Variants in ADARB2 observed in about 807,000 individuals in gnomAD.
The protein encoded by ADARB2 is inactive double-stranded RNA-specific editase B2.
ADARB2 carries 25 observed loss-of-function variants against 62.2 expected under a neutral mutation model. That is an observed-to-expected ratio of 0.40 (90% CI 0.29 to 0.56). ADARB2 has a LOEUF of 0.56. Among genes scored for constraint, ADARB2 ranks in the 20% least tolerant of loss-of-function variants. The pLI is 0.43. For synonymous variants in ADARB2, 572 were observed against 500.8 expected (o/e 1.14, Z -1.90); for missense variants, 1,071 against 1,077.4 (o/e 0.99, Z 0.08).
rs1227597689 is a variant in ADARB2, at chr10:1,521,431, T to G, written c.101-142271A>C. Among the ~76,000 whole-genome samples the G allele has an allele frequency of 3.9e-5, 6 of 152,204 alleles. No individual in the cohort carries two copies. In the East Asian group the frequency reaches 1.2e-3, roughly 29 times the overall value. On this transcript the variant is annotated intron_variant, in intron 1 of 9. Transcript: ENST00000381312. ...CCAAAAATAACATTCTAAGGCCCCC[T>G]AAGCTTCTGAATGCACTTCCTCCCC...
intron 3 of ADARB2, among the ~76,000 whole-genome samples, chr10:1,324,980 T>C (rs577579425): frequency 1.3e-5 from 2 of 152,200 alleles, no homozygotes; most frequent in Non-Finnish European, 2.9e-5. Flanking sequence ...TGGGCACAGG[T>C]ACATGGGCTC....
chr10:1,510,182 CTTTT>C (rs1280623929), intron 1 of ADARB2, among the ~76,000 whole-genome samples: 1 of 103,322 alleles, frequency 9.7e-6, no homozygotes, highest in South Asian at 2.9e-4. Flanking sequence ...TTCTTTCTTT[CTTTT>C]TCTTTCTTTC....
chr10:1,713,462 G>A (rs573101281), intron 1 of ADARB2, among the ~76,000 whole-genome samples: 1 of 152,314 alleles, frequency 6.6e-6, no homozygotes, highest in Non-Finnish European at 1.5e-5. Context: ...AAGGAGCCCA[G>A]TGCACTCTTG....
chr10:1,199,658 C>A (rs957485417), intron 8 of ADARB2: 15 of 305,878 alleles, frequency 4.9e-5, no homozygotes, highest in Non-Finnish European at 7.7e-5. Flanking sequence ...GCCAGGTGGG[C>A]AGGTGGGGCC....
chr10:1,390,322 A>G (rs1388615669), intron 1 of ADARB2, among the ~76,000 whole-genome samples: 1 of 152,202 alleles, frequency 6.6e-6, no homozygotes, highest in East Asian at 1.9e-4. Flanking sequence ...TGTGGGGAAG[A>G]GGCGGAAGTG....
At chr10:1,638,701 G>GT (rs1191669633) in intron 1 of ADARB2, among the ~76,000 whole-genome samples, 28 of 151,984 alleles carry the variant, frequency 1.8e-4, no homozygotes, top group South Asian at 1.2e-3. Context: ...AGGATTAAGT[G>GT]TTTTTTTTGT....
intron 1 of ADARB2, among the ~76,000 whole-genome samples, chr10:1,389,787 T>TAAA (rs1832554490): frequency 1.8e-5 from 2 of 112,844 alleles, no homozygotes; most frequent in East Asian, 3.0e-4. Flanking sequence ...AAATAAATAA[T>TAAA]AAATAAAAAA....
intron 1 of ADARB2, among the ~76,000 whole-genome samples, chr10:1,484,941 T>C (rs904675422): frequency 5.3e-5 from 8 of 152,174 alleles, no homozygotes; most frequent in African/African-American, 1.9e-4. Flanking sequence ...CAGGTAGGTA[T>C]GGAAATGGGT....
At chr10:1,245,769 G>T in intron 4 of ADARB2, among the ~76,000 whole-genome samples, 1 of 152,016 alleles carries the variant, frequency 6.6e-6, no homozygotes. Context: ...CCAAGTCTTT[G>T]CTATCATGAA....
intron 6 of ADARB2, among the ~76,000 whole-genome samples, chr10:1,226,109 C>T (rs951588743): frequency 2.6e-5 from 4 of 152,154 alleles, no homozygotes; most frequent in African/African-American, 9.7e-5. Flanking sequence ...TTCTTCATTT[C>T]TTTTTATTCT....
chr10:1,402,886 C>T (rs1449179967), intron 1 of ADARB2, among the ~76,000 whole-genome samples: 1 of 152,272 alleles, frequency 6.6e-6, no homozygotes, highest in Non-Finnish European at 1.5e-5. Flanking sequence ...GCCAGCAGAG[C>T]ATGAAGCTGA....
intron 4 of ADARB2, among the ~76,000 whole-genome samples, chr10:1,267,601 C>T (rs1176147279): frequency 2.0e-5 from 3 of 152,174 alleles, no homozygotes; most frequent in South Asian, 2.1e-4. Context: ...GCACAATCTT[C>T]CTCTTTCTTT....
rs545332885 is a variant in ADARB2, at chr10:1,283,834, G to A, written c.1078-12765C>T. On this transcript the variant is annotated intron_variant, in intron 3 of 9. Transcript: ENST00000381312. ...TGGGGTAGTCAGGGAAGCCTCCCTG[G>A]AAGAGATAGTTTATGTGATTCCTTC... Among the ~76,000 whole-genome samples, 23 of 152,328 alleles carry A rather than the reference G, an allele frequency of 1.5e-4. 1 individual carries two copies. In the South Asian group the frequency reaches 4.8e-3, roughly 32 times the overall value.
chr10:1,713,644 C>T (rs1206588535), intron 1 of ADARB2, among the ~76,000 whole-genome samples: 1 of 152,092 alleles, frequency 6.6e-6, no homozygotes, highest in Non-Finnish European at 1.5e-5. Flanking sequence ...AACCTCAGCA[C>T]CTGGGCTGCA....
chr10:1,539,823 C>T (rs1832388253), intron 1 of ADARB2, among the ~76,000 whole-genome samples: 1 of 152,182 alleles, frequency 6.6e-6, no homozygotes, highest in Non-Finnish European at 1.5e-5. Flanking sequence ...GAAACAGCCC[C>T]CGTTAAATAT....
chr10:1,596,688 C>T (rs990454603), intron 1 of ADARB2, among the ~76,000 whole-genome samples: 12 of 152,134 alleles, frequency 7.9e-5, no homozygotes, highest in Non-Finnish European at 1.5e-4. Flanking sequence ...ATGAGGGAAT[C>T]GGTGTCACCC....
At chr10:1,241,754 A>G (rs910407863) in intron 5 of ADARB2, among the ~76,000 whole-genome samples, 1 of 151,982 alleles carries the variant, frequency 6.6e-6, no homozygotes, top group South Asian at 2.1e-4. Context: ...TCTCCAAGCC[A>G]CCCCTTGGGC....
At chr10:1,510,111 T>TCTCTCTTTCTTTCTTTCTTC (rs1554767639) in intron 1 of ADARB2, among the ~76,000 whole-genome samples, 2 of 29,812 alleles carry the variant, frequency 6.7e-5, no homozygotes, top group Non-Finnish European at 1.3e-4. Flanking sequence ...TTTCTTTCTC[T>TCTCTCTTTCTTTCTTTCTTC]CTTTCTTTCT....
At chr10:1,570,749 T>C (rs11813019) in intron 1 of ADARB2, among the ~76,000 whole-genome samples, 6,415 of 152,114 alleles carry the variant, frequency 0.042, 449 homozygotes, top group African/African-American at 0.15. Context: ...CTGGTTATTG[T>C]AGTGGCTGGG....
Sources: allele counts gnomAD v4.1 joint callset (sites outside exome capture counted in the v4.1 genomes callset), GRCh38; gene constraint gnomAD v4.1.1; transcripts MANE v1.5; gene names NCBI Gene and HGNC (gene_info 2026-07-23, HGNC 2026-07-21).